SOCS2: variants seen among roughly 807,000 people sequenced by gnomAD.
SOCS2 encodes the protein CIS-2.
A neutral mutation model predicts 18.6 loss-of-function variants in SOCS2; 10 were observed. That is an observed-to-expected ratio of 0.54 (90% CI 0.33 to 0.91). The LOEUF is 0.91. Among genes scored for constraint, SOCS2 ranks in the 40% least tolerant of loss-of-function variants. The pLI is 0.02. For synonymous variants in SOCS2, 104 were observed against 104.0 expected (o/e 1.00, Z 0.00); for missense variants, 231 against 247.2 (o/e 0.93, Z 0.44).
At chr12:93,598,702 G>A in the SOCS2 span, among the ~76,000 whole-genome samples, 1 of 152,236 alleles carries the variant, frequency 6.6e-6, no homozygotes, top group Admixed American at 6.6e-5. Flanking sequence ...TATGAGTACA[G>A]TATAACAAAT....
At chr12:93,586,839 G>A (rs1291333488), downstream of SOCS2, among the ~76,000 whole-genome samples, 2 of 152,012 alleles carry the variant, frequency 1.3e-5, no homozygotes, top group East Asian at 1.9e-4. Flanking sequence ...TCTACTTGTT[G>A]TAGTCATGAA....
chr12:93,619,620 C>G, the SOCS2 span, among the ~76,000 whole-genome samples: 2 of 152,256 alleles, frequency 1.3e-5, no homozygotes, highest in East Asian at 1.9e-4. Context: ...TATGAGATAC[C>G]TTACTGTCCC....
the SOCS2 span, among the ~76,000 whole-genome samples, chr12:93,598,645 C>T: frequency 6.6e-6 from 1 of 152,140 alleles, no homozygotes; most frequent in African/African-American, 2.4e-5. Flanking sequence ...TATGTTGATA[C>T]TTTTAGATAA....
the SOCS2 span, among the ~76,000 whole-genome samples, chr12:93,598,349 G>A: frequency 6.6e-6 from 1 of 152,156 alleles, no homozygotes. Flanking sequence ...GGTGGGAGGA[G>A]AGGGGGAGAT....
the SOCS2 span, among the ~76,000 whole-genome samples, chr12:93,617,580 G>T: frequency 6.6e-6 from 1 of 151,994 alleles, no homozygotes; most frequent in Non-Finnish European, 1.5e-5. Flanking sequence ...AAAATTAAAT[G>T]GGGCCACTGA....
the SOCS2 span, among the ~76,000 whole-genome samples, chr12:93,590,696 A>C: frequency 6.8e-6 from 1 of 146,102 alleles, no homozygotes; most frequent in African/African-American, 2.5e-5. Flanking sequence ...CCGGAGGCTG[A>C]GGCAGAAAGA....
chr12:93,606,356 G>T, the SOCS2 span, among the ~76,000 whole-genome samples: 1 of 152,106 alleles, frequency 6.6e-6, no homozygotes, highest in Non-Finnish European at 1.5e-5. Flanking sequence ...TCTGACACTA[G>T]GAGTCAAGCC....
At chr12:93,601,550 C>T in the SOCS2 span, among the ~76,000 whole-genome samples, 2 of 152,130 alleles carry the variant, frequency 1.3e-5, no homozygotes, top group African/African-American at 4.8e-5. Context: ...CTCAAGTGAT[C>T]TGCCCGCCTC....
the SOCS2 span, among the ~76,000 whole-genome samples, chr12:93,589,543 CT>C: frequency 6.6e-6 from 1 of 152,086 alleles, no homozygotes; most frequent in Non-Finnish European, 1.5e-5. Context: ...TCCCCATTCC[CT>C]TTTTTTGTTT....
chr12:93,611,586 C>T, the SOCS2 span, among the ~76,000 whole-genome samples: 19 of 152,288 alleles, frequency 1.2e-4, no homozygotes, highest in African/African-American at 3.1e-4. Context: ...AAATTTCACA[C>T]CATCAGCTAT....
rs970087172 is a variant in SOCS2, at chr12:93,575,327, G to C, written c.*148G>C. ...TAATCTAATTTAAATTTAACAGCTT[G>C]AAGAGGTAGCTAGGTGTTTAAAGTT... On this transcript the variant is annotated 3_prime_UTR_variant, in exon 2 of 2. Transcript: ENST00000551556. The C allele has an allele frequency of 1.3e-4, 69 of 545,054 alleles. No individual in the cohort carries two copies. Among genetic ancestry groups the C allele is most frequent in the African/African-American group, 1.2e-3 (62 of 52,384 alleles). 33.8% of individuals were successfully genotyped at this position (545,054 alleles called of 1,614,324 possible). A position where few individuals can be genotyped will look rare whatever the true frequency, so the allele number is the denominator to read the frequency against.
chr12:93,572,574 G>T, upstream of SOCS2: 1 of 553,730 alleles, frequency 1.8e-6, no homozygotes, highest in South Asian at 1.8e-5. The surrounding 1 kb of genome is among the most constrained non-coding windows in gnomAD (Gnocchi z 5.0). Flanking sequence ...AATGGTGCAG[G>T]AACGTAGAGG....
At chr12:93,572,530 C>G (rs893814885), upstream of SOCS2, 35 of 434,434 alleles carry the variant, frequency 8.1e-5, no homozygotes, top group Middle Eastern at 2.0e-3. This position sits in a 1 kb window ranked among gnomAD's most constrained non-coding sequence, Gnocchi z 5.0. Flanking sequence ...TTCTCTAGAG[C>G]TGGGCCAGGG....
rs1284720968 is a variant in SOCS2, at chr12:93,572,687, G to T, written c.-211G>T. On this transcript the variant is annotated 5_prime_UTR_variant, in exon 1 of 2. Coordinates refer to ENST00000551556, the MANE Select transcript of SOCS2 (RefSeq NM_001270471.2). The surrounding 1 kb of genome is among the most constrained non-coding windows in gnomAD (Gnocchi z 5.0). ...AACCTCCCGCTTTCTCTTTGTAGGC[G>T]ATCAGTGGGTGACCGCGGCTGCGAG... 3 of 737,668 alleles carry T rather than the reference G, an allele frequency of 4.1e-6. No individual in the cohort carries two copies. Among genetic ancestry groups the T allele is most frequent in the Non-Finnish European group, 7.2e-6 (3 of 418,360 alleles). The allele number at this position is 737,668 out of a possible 1,614,324, so 45.7% of individuals were successfully genotyped here. A position where few individuals can be genotyped will look rare whatever the true frequency, so the allele number is the denominator to read the frequency against.
chr12:93,609,201 G>T, the SOCS2 span, among the ~76,000 whole-genome samples: 1 of 152,196 alleles, frequency 6.6e-6, no homozygotes, highest in Admixed American at 6.5e-5. Context: ...GGACCTGCCT[G>T]ACCAACATGG....
downstream of SOCS2, among the ~76,000 whole-genome samples, chr12:93,579,839 A>C (rs1954514224): frequency 6.6e-6 from 1 of 152,216 alleles, no homozygotes; most frequent in African/African-American, 2.4e-5. Flanking sequence ...AGGCTGGATC[A>C]GCTAAGTGTG....
At chr12:93,584,327 T>C (rs1434722666), downstream of SOCS2, among the ~76,000 whole-genome samples, 1 of 152,242 alleles carries the variant, frequency 6.6e-6, no homozygotes, top group Non-Finnish European at 1.5e-5. Context: ...ATTTTCAGTT[T>C]GGTAAAAATC....
chr12:93,603,643 A>G, the SOCS2 span, among the ~76,000 whole-genome samples: 1 of 152,238 alleles, frequency 6.6e-6, no homozygotes, highest in Non-Finnish European at 1.5e-5. Context: ...CATTAGATTT[A>G]CAAGTTACCT....
At chr12:93,622,131 A>G in the SOCS2 span, among the ~76,000 whole-genome samples, 1 of 152,190 alleles carries the variant, frequency 6.6e-6, no homozygotes, top group Non-Finnish European at 1.5e-5. Flanking sequence ...CTGGAGTTTT[A>G]TACAAAAATC....
Sources: gnomAD v4.1 joint callset for allele counts (sites outside exome capture counted in the v4.1 genomes callset) on GRCh38, gnomAD v4.1.1 for gene constraint, Gnocchi (gnomAD v3.1) non-coding constraint, MANE v1.5 for transcripts, NCBI Gene and HGNC (gene_info 2026-07-23, HGNC 2026-07-21) for gene names.